Variants in LIN52 observed in about 807,000 individuals in gnomAD.
LIN52 encodes the protein protein lin-52 homolog.
A neutral mutation model predicts 18.5 loss-of-function variants in LIN52; 4 were observed. That is an observed-to-expected ratio of 0.22 (90% CI 0.11 to 0.49). The LOEUF (loss-of-function observed/expected upper bound fraction) is 0.49, where lower values mean the gene tolerates loss of function less well. Among genes scored for constraint, LIN52 ranks in the 20% least tolerant of loss-of-function variants. LIN52 has a pLI of 0.97. For missense variants in LIN52, 102 were observed against 139.5 expected (o/e 0.73, Z 1.35); for synonymous variants, 34 against 45.5 (o/e 0.75, Z 1.02).
rs142784599 is a variant in LIN52 at position 74,114,534 on chromosome 14, AC to A, written c.283+13298del. On this transcript the variant is annotated intron_variant, in intron 5 of 5. Transcript: ENST00000555028. Reference sequence around the variant, plus strand: ...ACGGGATAAGCTGAAATTAGAGCTTACCATGATGTTTTAGCCTAATTAATGA... The same window carrying A: ...ACGGGATAAGCTGAAATTAGAGCTTACATGATGTTTTAGCCTAATTAATGA... The A allele has an allele frequency of 3.8e-3, 2,343 of 621,292 alleles. 48 individuals carry two copies. In the African/African-American group the frequency reaches 0.044, roughly 12 times the overall value. 38.5% of individuals were successfully genotyped at this position (621,292 alleles called of 1,614,324 possible).
intron 5 of LIN52, among the ~76,000 whole-genome samples, chr14:74,114,895 A>G (rs1022069061): frequency 2.6e-5 from 4 of 152,182 alleles, no homozygotes; most frequent in African/African-American, 9.7e-5. Flanking sequence ...AGAATGACTG[A>G]CTTTTGTATG....
At position 74,130,437 on chromosome 14, in the gene LIN52, C is replaced by G. The variant is rs1360074910; in HGVS notation, c.283+29199C>G. On this transcript the variant is annotated intron_variant, in intron 5 of 5. Transcript: ENST00000555028. ...GGATTACAGGCGTGTACCACCACTC[C>G]TGGCTAATTTTAATATTTTTAGTAG... is the stretch of plus-strand genomic sequence containing the variant. 1.7e-4 allele frequency among the ~76,000 whole-genome samples: 25 copies of G among 150,972 alleles called. 1 individual carries two copies. The highest frequency in any genetic ancestry group is 3.4e-3 in the Middle Eastern group (1 of 292).
At chr14:74,157,331 C>G (rs1021625643) in intron 5 of LIN52, among the ~76,000 whole-genome samples, 3 of 152,032 alleles carry the variant, frequency 2.0e-5, no homozygotes, top group African/African-American at 7.2e-5. Context: ...CCACACCTGG[C>G]CTCCACATTT....
At chr14:74,187,266 A>G (rs1792369944) in intron 5 of LIN52, among the ~76,000 whole-genome samples, 2 of 152,226 alleles carry the variant, frequency 1.3e-5, no homozygotes, top group African/African-American at 4.8e-5. Context: ...TCTAATTCCA[A>G]TGCCAGATAA....
At chr14:74,111,609 T>TTTAC in intron 5 of LIN52, among the ~76,000 whole-genome samples, 1 of 52,324 alleles carries the variant, frequency 1.9e-5, no homozygotes, top group African/African-American at 5.5e-5. Flanking sequence ...GCCCCTGGTA[T>TTTAC]TTATTTATTT....
At chr14:74,164,732 C>T (rs2139568675) in intron 5 of LIN52, among the ~76,000 whole-genome samples, 1 of 152,268 alleles carries the variant, frequency 6.6e-6, no homozygotes, top group African/African-American at 2.4e-5. Flanking sequence ...GGCACTGACA[C>T]TGGAAGTTCT....
intron 5 of LIN52, among the ~76,000 whole-genome samples, chr14:74,185,839 A>G (rs72627167): frequency 0.12 from 18,047 of 152,084 alleles, 1,810 homozygotes; most frequent in East Asian, 0.57. Context: ...CCCTCTCCCT[A>G]TTGATGGATA....
chr14:74,086,972 G>T (rs1300891736), intron 1 of LIN52, among the ~76,000 whole-genome samples: 1 of 151,760 alleles, frequency 6.6e-6, no homozygotes, highest in African/African-American at 2.4e-5. Flanking sequence ...AGTAATACAA[G>T]TAGAAGTAAT....
At chr14:74,086,338 G>A (rs1337115095) in intron 1 of LIN52, among the ~76,000 whole-genome samples, 1 of 152,044 alleles carries the variant, frequency 6.6e-6, no homozygotes, top group Non-Finnish European at 1.5e-5. Flanking sequence ...CTTAAATTTT[G>A]TGAGCGCAGG....
At chr14:74,116,076 G>C (rs2060962747) in intron 5 of LIN52, among the ~76,000 whole-genome samples, 1 of 152,192 alleles carries the variant, frequency 6.6e-6, no homozygotes, top group African/African-American at 2.4e-5. Context: ...GCCAAGGTGG[G>C]CAGATCACCT....
At chr14:74,103,030 A>C (rs184401877) in intron 5 of LIN52, among the ~76,000 whole-genome samples, 158 of 152,236 alleles carry the variant, frequency 1.0e-3, no homozygotes, top group African/African-American at 3.8e-3. Context: ...TTGCCGAGTA[A>C]CTTTGTATGT....
chr14:74,199,054 C>CA lies in LIN52; in HGVS notation c.*78dup. ...GGTGCACCTCTAACAATGCACACCT[C>CA]ACTGCTTGCTTGGGAGAGGCCAGAG... On this transcript the variant is annotated 3_prime_UTR_variant, in exon 6 of 6. Coordinates refer to ENST00000555028, the MANE Select transcript of LIN52 (RefSeq NM_001024674.3). 9.7e-7 allele frequency: 1 copy of CA among 1,033,096 alleles called. No homozygotes were observed. The highest frequency in any genetic ancestry group is 1.3e-5 in the South Asian group (1 of 78,184). 64.0% of individuals were successfully genotyped at this position (1,033,096 alleles called of 1,614,324 possible).
At chr14:74,133,091 T>C (rs1000946741) in intron 5 of LIN52, among the ~76,000 whole-genome samples, 1 of 152,180 alleles carries the variant, frequency 6.6e-6, no homozygotes, top group Non-Finnish European at 1.5e-5. Flanking sequence ...TGAGGCTTCA[T>C]CCTATGGAGA....
At chr14:74,158,663 A>C (rs2061211380) in intron 5 of LIN52, among the ~76,000 whole-genome samples, 1 of 151,894 alleles carries the variant, frequency 6.6e-6, no homozygotes, top group South Asian at 2.1e-4. Context: ...TTTTTAGTAG[A>C]GATGGGGTTT....
At chr14:74,162,282 C>T (rs77283958) in intron 5 of LIN52, among the ~76,000 whole-genome samples, 26,186 of 151,680 alleles carry the variant, frequency 0.17, 2,757 homozygotes, top group East Asian at 0.58. Context: ...TTGAGACTAG[C>T]GTGGCCAATA....
intron 5 of LIN52, among the ~76,000 whole-genome samples, chr14:74,107,397 C>G (rs899179827): frequency 6.6e-6 from 1 of 152,164 alleles, no homozygotes; most frequent in African/African-American, 2.4e-5. Context: ...TTTACCCTCT[C>G]TTTCTGGAAT....
At chr14:74,190,211 A>G (rs1235091757) in intron 5 of LIN52, among the ~76,000 whole-genome samples, 12 of 152,174 alleles carry the variant, frequency 7.9e-5, no homozygotes, top group Admixed American at 7.9e-4. Flanking sequence ...GAATCCTGAT[A>G]AAGAGCCAAG....
chr14:74,176,385 T>G (rs2061294716), intron 5 of LIN52, among the ~76,000 whole-genome samples: 1 of 152,130 alleles, frequency 6.6e-6, no homozygotes, highest in African/African-American at 2.4e-5. Context: ...GTGCTAGGAT[T>G]ACAGACATGA....
chr14:74,165,513 CTT>C (rs71460962), intron 5 of LIN52, among the ~76,000 whole-genome samples: 14 of 110,200 alleles, frequency 1.3e-4, no homozygotes, highest in Admixed American at 1.9e-4. Context: ...GTTTTCTTTT[CTT>C]TTTTTTTTTT....
Sources: gnomAD v4.1 joint callset for allele counts (sites outside exome capture counted in the v4.1 genomes callset) on GRCh38, gnomAD v4.1.1 for gene constraint, MANE v1.5 for transcripts, NCBI Gene and HGNC (gene_info 2026-07-23, HGNC 2026-07-21) for gene names.